ADAMTSL1: variants seen among roughly 807,000 people sequenced by gnomAD.
ADAMTSL1 encodes ADAMTS like 1, also known as ADAMTS-like protein 1.
Under a neutral mutation model 201.8 loss-of-function variants are expected in ADAMTSL1, and 126 were observed. The ratio of observed to expected loss-of-function variants is 0.62; its 90% CI spans 0.54 to 0.72. ADAMTSL1 has a LOEUF of 0.72. Ranked by LOEUF, ADAMTSL1 falls within the 30% of genes least tolerant of loss-of-function variation. The probability of loss-of-function intolerance (pLI) is 0.00; values close to 1 mark genes in which losing one functional copy is unlikely to be tolerated. For missense variants in ADAMTSL1, 2,679 were observed against 2,277.8 expected, an observed-to-expected ratio of 1.18 and a Z score of -3.59; for synonymous variants, 1,121 against 903.4, an observed-to-expected ratio of 1.24 and a Z score of -4.32.
chr9:17,984,933 C>T (rs1237207329), intron 1 of ADAMTSL1, among the ~76,000 whole-genome samples: 5 of 152,000 alleles, frequency 3.3e-5, no homozygotes, highest in Non-Finnish European at 4.4e-5. Context: ...TTTTTTGCTT[C>T]GTAATATCAT....
At chr9:18,098,028 G>A (rs1034142495) in intron 1 of ADAMTSL1, among the ~76,000 whole-genome samples, 41 of 151,748 alleles carry the variant, frequency 2.7e-4, no homozygotes, top group African/African-American at 9.7e-4. Flanking sequence ...GGAGATCAAG[G>A]CTTATTTTTT....
chr9:18,066,070 A>G (rs1192637993), intron 1 of ADAMTSL1, among the ~76,000 whole-genome samples: 1 of 151,912 alleles, frequency 6.6e-6, no homozygotes. Flanking sequence ...TGATTGAAAG[A>G]AATGGCAAAA....
chr9:18,147,921 T>C (rs1286631912), intron 1 of ADAMTSL1, among the ~76,000 whole-genome samples: 1 of 152,132 alleles, frequency 6.6e-6, no homozygotes, highest in Non-Finnish European at 1.5e-5. Flanking sequence ...AGCTTCTCTT[T>C]GGCATTTTAG....
At chr9:18,634,371 G>A (rs947335702) in intron 5 of ADAMTSL1, among the ~76,000 whole-genome samples, 6 of 151,938 alleles carry the variant, frequency 3.9e-5, no homozygotes, top group East Asian at 1.9e-4. Context: ...CAAGACAAGC[G>A]TGGGCAACAT....
At chr9:18,172,415 T>C (rs1386503565) in intron 2 of ADAMTSL1, among the ~76,000 whole-genome samples, 1 of 151,962 alleles carries the variant, frequency 6.6e-6, no homozygotes, top group Non-Finnish European at 1.5e-5. Context: ...GATTTACAAA[T>C]TAAAATAACA....
At chr9:18,221,497 G>T (rs1039228435) in intron 2 of ADAMTSL1, among the ~76,000 whole-genome samples, 1 of 151,846 alleles carries the variant, frequency 6.6e-6, no homozygotes, top group African/African-American at 2.4e-5. Flanking sequence ...TCTCTATACT[G>T]CACTAAGTTG....
intron 2 of ADAMTSL1, among the ~76,000 whole-genome samples, chr9:18,217,190 G>C (rs1830085449): frequency 6.6e-6 from 1 of 152,128 alleles, no homozygotes; most frequent in African/African-American, 2.4e-5. Context: ...CAGAAAGTTA[G>C]GCCCTGGGTT....
At chr9:18,511,376 A>G (rs1818014190) in intron 2 of ADAMTSL1, among the ~76,000 whole-genome samples, 1 of 151,938 alleles carries the variant, frequency 6.6e-6, no homozygotes, top group Non-Finnish European at 1.5e-5. Flanking sequence ...CAAATAGCAA[A>G]AAATGATCTT....
chr9:18,748,201 T>TA, intron 15 of ADAMTSL1, among the ~76,000 whole-genome samples: 1 of 152,240 alleles, frequency 6.6e-6, no homozygotes, highest in East Asian at 1.9e-4. Flanking sequence ...GAAACCAGCC[T>TA]CCCAAATATT....
intron 4 of ADAMTSL1, among the ~76,000 whole-genome samples, chr9:18,615,924 A>G (rs1239142623): frequency 6.6e-6 from 1 of 152,210 alleles, no homozygotes; most frequent in Non-Finnish European, 1.5e-5. Flanking sequence ...CACATGTGCC[A>G]GAATTTTGCC....
At chr9:17,948,967 T>C (rs1040092773) in intron 1 of ADAMTSL1, among the ~76,000 whole-genome samples, 2 of 152,200 alleles carry the variant, frequency 1.3e-5, no homozygotes, top group Admixed American at 6.6e-5. Context: ...GTTTAAATAC[T>C]GTATTGAGGA....
At chr9:18,617,741 T>A (rs1292141401) in intron 4 of ADAMTSL1, among the ~76,000 whole-genome samples, 1 of 152,164 alleles carries the variant, frequency 6.6e-6, no homozygotes, top group East Asian at 1.9e-4. Flanking sequence ...ACACTATTAA[T>A]TTGGTAAGTT....
chr9:18,089,897 T>A (rs952238998), intron 1 of ADAMTSL1, among the ~76,000 whole-genome samples: 4 of 152,162 alleles, frequency 2.6e-5, no homozygotes, highest in Non-Finnish European at 1.5e-5. Flanking sequence ...TAAGGGTAGA[T>A]CTGTTAAAAG....
At chr9:18,095,044 G>A (rs1179347834) in intron 1 of ADAMTSL1, among the ~76,000 whole-genome samples, 2 of 152,182 alleles carry the variant, frequency 1.3e-5, no homozygotes, top group Non-Finnish European at 2.9e-5. Context: ...CAGGTTCAGA[G>A]GTAGACCTTT....
intron 2 of ADAMTSL1, chr9:18,362,325 C>T (rs2133084126): frequency 6.6e-6 from 1 of 152,364 alleles, no homozygotes; most frequent in Middle Eastern, 3.4e-3. Context: ...TTAGGAATCT[C>T]TAGAAATATC....
At chr9:18,055,341 C>CT (rs1484739159) in intron 1 of ADAMTSL1, among the ~76,000 whole-genome samples, 1 of 152,156 alleles carries the variant, frequency 6.6e-6, no homozygotes, top group African/African-American at 2.4e-5. Flanking sequence ...AATCATCTTA[C>CT]TTGTATTACC....
chr9:18,411,558 T>C (rs969593773), intron 2 of ADAMTSL1, among the ~76,000 whole-genome samples: 1 of 152,292 alleles, frequency 6.6e-6, no homozygotes, highest in East Asian at 1.9e-4. Flanking sequence ...TTCAAAATGA[T>C]TATAATATAT....
intron 1 of ADAMTSL1, among the ~76,000 whole-genome samples, chr9:18,498,959 C>G (rs1278740991): frequency 1.3e-5 from 2 of 152,252 alleles, no homozygotes; most frequent in African/African-American, 4.8e-5. Context: ...CAGTTAGTCG[C>G]CTTAACAGGA....
At chr9:18,378,374 A>G (rs1170276417) in intron 2 of ADAMTSL1, among the ~76,000 whole-genome samples, 2 of 152,254 alleles carry the variant, frequency 1.3e-5, no homozygotes, top group Non-Finnish European at 2.9e-5. Flanking sequence ...CCTTGAATAA[A>G]GAAAATCTTT....
Sources: gnomAD v4.1 joint callset for allele counts (sites outside exome capture counted in the v4.1 genomes callset) on GRCh38, gnomAD v4.1.1 for gene constraint, MANE v1.5 for transcripts, NCBI Gene and HGNC (gene_info 2026-07-23, HGNC 2026-07-21) for gene names.